The following ROS1 variants were observed in gnomAD, a reference collection of about 807,000 sequenced individuals.
ROS1 encodes the protein proto-oncogene tyrosine-protein kinase ROS.
A neutral mutation model predicts 273.5 loss-of-function variants in ROS1; 263 were observed. That is an observed-to-expected ratio of 0.96 (90% CI 0.87 to 1.06). The LOEUF (loss-of-function observed/expected upper bound fraction) is 1.06, where lower values mean the gene tolerates loss of function less well. ROS1 is among the 50% of genes least tolerant of loss of function. The probability of loss-of-function intolerance (pLI) is 0.00; values close to 1 mark genes in which losing one functional copy is unlikely to be tolerated. For missense variants in ROS1, 2,833 were observed against 2,751.1 expected (o/e 1.03, Z -0.67); for synonymous variants, 1,008 against 954.1 (o/e 1.06, Z -1.04).
chr6:117,418,461 C>A lies in ROS1; in HGVS notation c.168+1G>T, dbSNP rs1450017093. The stretch of plus-strand genomic sequence containing the variant: ...TCTTGACAACTGAAGAAATTACTTA[C>A]CGGTTCACTCAGATTATGTGGTGTG... On this transcript the variant is annotated splice_donor_variant, in intron 2 of 43. Coordinates refer to ENST00000368507, the MANE Select transcript of ROS1 (RefSeq NM_001378902.1). LOFTEE classifies it high-confidence loss of function. 2 of 1,592,336 alleles carry A rather than the reference C, an allele frequency of 1.3e-6. No homozygotes were observed. The highest frequency in any genetic ancestry group is 1.7e-6 in the Non-Finnish European group (2 of 1,170,258).
At chr6:117,310,585 C>A (rs971911046) in intron 40 of ROS1, among the ~76,000 whole-genome samples, 2 of 151,970 alleles carry the variant, frequency 1.3e-5, no homozygotes, top group Non-Finnish European at 2.9e-5. Context: ...ATGTTCCCCT[C>A]CCTGTGTCCA....
At chr6:117,406,865 T>C (rs545833447) in intron 5 of ROS1, among the ~76,000 whole-genome samples, 4 of 152,306 alleles carry the variant, frequency 2.6e-5, no homozygotes, top group African/African-American at 9.6e-5. Context: ...TGTGTACCTG[T>C]TGGGCACTGC....
intron 26 of ROS1, among the ~76,000 whole-genome samples, chr6:117,353,913 A>G (rs2128639286): frequency 6.6e-6 from 1 of 152,298 alleles, no homozygotes; most frequent in East Asian, 1.9e-4. Context: ...ACAAGAACAC[A>G]TTGAGAGTGC....
chr6:117,290,517 A>C (rs530367938), intron 43 of ROS1, among the ~76,000 whole-genome samples: 10 of 152,352 alleles, frequency 6.6e-5, no homozygotes, highest in Admixed American at 5.2e-4. Context: ...TGCACTGGGC[A>C]ACCTCTTTAA....
At chr6:117,385,919 T>A in intron 15 of ROS1, 58 bp from the exon 16 acceptor site, 3 of 1,396,734 alleles carry the variant, frequency 2.1e-6, no homozygotes, top group Middle Eastern at 2.1e-4. Flanking sequence ...AAAAACATAA[T>A]GAGTCAACAA....
Position 117,317,164 on chromosome 6 carries a change from C to G in ROS1, c.6096G>C (p.Leu2032Phe), listed in dbSNP as rs1281394663. The part of the protein sequence containing the change: ...LMEGGDLLTY[L>F]RKARMATFYG... ...CTACCGTTGCCATCCGGGCTTTACG[C>G]AAATAAGTAAGAAGGTCTCCTCCCT... Residue 2032 changes from leucine (L) to phenylalanine (F), a missense_variant, in exon 39 of 44, where the codon TTG (leucine) becomes TTC (phenylalanine). By Grantham distance (22) the Leu-to-Phe change is conservative (BLOSUM62 0). Transcript: ENST00000368507. 3.7e-6 allele frequency: 6 copies of G among 1,612,904 alleles called. No homozygotes were observed. Among genetic ancestry groups the G allele is most frequent in the Non-Finnish European group, 5.1e-6 (6 of 1,179,462 alleles).
At position 117,362,508 on chromosome 6, in the gene ROS1, C is replaced by T; in HGVS notation, c.3366+95G>A. 4.3e-6 allele frequency: 5 copies of T among 1,172,982 alleles called. No individual in the cohort carries two copies. In the South Asian group the frequency reaches 6.4e-5, roughly 15 times the overall value. 72.7% of individuals were successfully genotyped at this position (1,172,982 alleles called of 1,614,324 possible). A position where few individuals can be genotyped will look rare whatever the true frequency, so the allele number is the denominator to read the frequency against. On this transcript the variant is annotated intron_variant, in intron 22 of 43. Coordinates refer to ENST00000368507, the MANE Select transcript of ROS1 (RefSeq NM_001378902.1). ...CCAATCAAAATCTAGGTATGTGTGC[C>T]ATTTACACTGTAACATATCCCAGAA...
At position 117,337,073 on chromosome 6, in the gene ROS1, T is replaced by C. The variant is rs978641219; in HGVS notation, c.5230+99A>G. The C allele has an allele frequency of 9.4e-5, 91 of 970,784 alleles. No individual in the cohort carries two copies. The Admixed American group carries it at 1.3e-3, about 13-fold the overall frequency. The allele number at this position is 970,784 out of a possible 1,614,324, so 60.1% of individuals were successfully genotyped here. ...TCTAGAAATAATAATGTACTGCTTTTAAAGAACAATTTCATATATCTCTAG... is the reference window on the plus strand; with the variant it reads ...TCTAGAAATAATAATGTACTGCTTTCAAAGAACAATTTCATATATCTCTAG... On this transcript the variant is annotated intron_variant, in intron 32 of 43. Transcript: ENST00000368507.
At chr6:117,351,228 T>C (rs569210872) in intron 27 of ROS1, among the ~76,000 whole-genome samples, 27 of 152,238 alleles carry the variant, frequency 1.8e-4, no homozygotes, top group African/African-American at 5.3e-4. Flanking sequence ...CAGGTTCTTT[T>C]CAGTCCCCCC....
intron 1 of ROS1, among the ~76,000 whole-genome samples, chr6:117,422,103 C>T (rs1341831713): frequency 1.3e-5 from 2 of 152,136 alleles, no homozygotes; most frequent in Admixed American, 1.3e-4. Flanking sequence ...CTCGACCTCC[C>T]TGCTCAATCA....
chr6:117,425,474 C>A, intron 1 of ROS1, 60 bp downstream of exon 1: 1 of 1,492,582 alleles, frequency 6.7e-7, no homozygotes. Flanking sequence ...TCAGTTATAA[C>A]AAGCTGAATG....
At chr6:117,379,497 CCA>C (rs1291350752) in intron 17 of ROS1, among the ~76,000 whole-genome samples, 1 of 152,124 alleles carries the variant, frequency 6.6e-6, no homozygotes, top group Non-Finnish European at 1.5e-5. Flanking sequence ...CAGTCACACT[CCA>C]GAGTTACTGA....
chr6:117,397,315 A>G (rs1299678859), intron 7 of ROS1, among the ~76,000 whole-genome samples, 199 bp from the exon 8 acceptor site: 1 of 152,128 alleles, frequency 6.6e-6, no homozygotes, highest in Non-Finnish European at 1.5e-5. Flanking sequence ...AGGCCCTTTC[A>G]AATGTTACTT....
rs1327147007 is a variant in ROS1, at chr6:117,362,837, T to C, written c.3132A>G (p.Ile1044Met). 2 of 1,613,024 alleles carry C rather than the reference T, an allele frequency of 1.2e-6. No homozygotes were observed. The highest frequency in any genetic ancestry group is 1.7e-6 in the Non-Finnish European group (2 of 1,179,462). Residue 1044 changes from isoleucine (I) to methionine (M), a missense_variant, in exon 22 of 44, where the codon ATA (isoleucine) becomes ATG (methionine). Ile to Met is a conservative substitution (Grantham distance 10). Transcript: ENST00000368507. ...TVPSAPENPR[I>M]FILPSGKCCN... ...AGCATTTTCCACTTGGTAATATAAA[T>C]ATTCTGGGGTTCTCTGGTGCTGATG...
At chr6:117,421,394 C>T (rs1270719712) in intron 1 of ROS1, among the ~76,000 whole-genome samples, 1 of 151,818 alleles carries the variant, frequency 6.6e-6, no homozygotes, top group East Asian at 1.9e-4. Flanking sequence ...TGTAGTTTTT[C>T]ATCCCTCACT....
intron 38 of ROS1, among the ~76,000 whole-genome samples, chr6:117,317,843 A>G (rs1251236640): frequency 6.6e-6 from 1 of 152,162 alleles, no homozygotes; most frequent in East Asian, 1.9e-4. Context: ...CTGACATTAT[A>G]GCATTTGAGA....
At chr6:117,358,546 G>A (rs1260531280) in intron 24 of ROS1, among the ~76,000 whole-genome samples, 4 of 151,546 alleles carry the variant, frequency 2.6e-5, no homozygotes, top group Admixed American at 2.0e-4. Flanking sequence ...TGAAACCTTC[G>A]CCTCCTGGGT....
Position 117,288,251 on chromosome 6 carries a change from C to T in ROS1, c.*241G>A, listed in dbSNP as rs1773574030. ...TTTCCCTTCCAGACTTCTGAGTCTT[C>T]CTAAGCTTTCCACATGCTTAGTGTT... is the stretch of plus-strand genomic sequence containing the variant. On this transcript the variant is annotated 3_prime_UTR_variant, in exon 44 of 44. Coordinates refer to ENST00000368507, the MANE Select transcript of ROS1 (RefSeq NM_001378902.1). The T allele has an allele frequency of 1.9e-6, 1 of 522,250 alleles. No individual in the cohort carries two copies. Among genetic ancestry groups the T allele is most frequent in the East Asian group, 3.2e-5 (1 of 30,890 alleles). The allele number at this position is 522,250 out of a possible 1,614,324, so 32.4% of individuals were successfully genotyped here. A position where few individuals can be genotyped will look rare whatever the true frequency, so the allele number is the denominator to read the frequency against.
At chr6:117,397,216 A>G (rs1193029906) in intron 7 of ROS1, 100 bp from the exon 8 acceptor site, 1 of 760,624 alleles carries the variant, frequency 1.3e-6, no homozygotes, top group African/African-American at 1.8e-5. Flanking sequence ...TTGAAAACTT[A>G]ATGGAAACGA....
Sources: allele counts gnomAD v4.1 joint callset (sites outside exome capture counted in the v4.1 genomes callset), GRCh38; gene constraint gnomAD v4.1.1; transcripts MANE v1.5; gene names NCBI Gene and HGNC (gene_info 2026-07-23, HGNC 2026-07-21).